HTR1F: variants seen among roughly 807,000 people sequenced by gnomAD.
The protein encoded by HTR1F is 5-hydroxytryptamine (serotonin) receptor 1F, G protein-coupled.
A neutral mutation model predicts 24.0 loss-of-function variants in HTR1F; 17 were observed. The ratio of observed to expected loss-of-function variants is 0.71; its 90% CI spans 0.48 to 1.06. HTR1F has a LOEUF of 1.06. Among genes scored for constraint, HTR1F ranks in the 50% least tolerant of loss-of-function variants. The probability of loss-of-function intolerance (pLI) is 0.00; values close to 1 mark genes in which losing one functional copy is unlikely to be tolerated. For synonymous variants in HTR1F, 186 were observed against 156.8 expected, an observed-to-expected ratio of 1.19 and a Z score of -1.39; for missense variants, 391 against 427.8, an observed-to-expected ratio of 0.91 and a Z score of 0.76.
intron 2 of HTR1F, among the ~76,000 whole-genome samples, chr3:87,982,532 G>A (rs1370405529): frequency 6.6e-6 from 1 of 152,136 alleles, no homozygotes; most frequent in Non-Finnish European, 1.5e-5. Flanking sequence ...TAGGCAGAAA[G>A]CAGGCTAAGA....
At chr3:87,833,389 A>T (rs1303687686) in intron 2 of HTR1F, among the ~76,000 whole-genome samples, 1 of 152,210 alleles carries the variant, frequency 6.6e-6, no homozygotes, top group Non-Finnish European at 1.5e-5. Flanking sequence ...GTTTAAAAAA[A>T]TGCAGATTTC....
intron 2 of HTR1F, among the ~76,000 whole-genome samples, chr3:87,840,957 G>T (rs1053547426): frequency 1.3e-5 from 2 of 151,924 alleles, no homozygotes; most frequent in African/African-American, 4.9e-5. Context: ...AAGGGGAGAT[G>T]TTGGTCAGTG....
chr3:87,929,068 T>TG (rs1192080837), intron 2 of HTR1F, among the ~76,000 whole-genome samples: 1 of 152,238 alleles, frequency 6.6e-6, no homozygotes, highest in Non-Finnish European at 1.5e-5. Flanking sequence ...ATATAAAGTA[T>TG]GACAGATTTA....
intron 2 of HTR1F, among the ~76,000 whole-genome samples, chr3:87,844,310 G>T (rs1704884785): frequency 6.7e-6 from 1 of 148,446 alleles, no homozygotes. Context: ...GTGTTTTTTG[G>T]CTGCATAAAT....
chr3:87,847,464 A>G (rs1161834847), intron 2 of HTR1F, among the ~76,000 whole-genome samples: 2 of 151,904 alleles, frequency 1.3e-5, no homozygotes, highest in Non-Finnish European at 2.9e-5. Context: ...TTACATGCAT[A>G]GAATATGTAA....
intron 2 of HTR1F, among the ~76,000 whole-genome samples, chr3:87,930,127 T>A (rs1704226012): frequency 6.6e-6 from 1 of 152,206 alleles, no homozygotes; most frequent in Admixed American, 6.5e-5. Context: ...TTTTTAGACA[T>A]TGATTTTGTA....
At chr3:87,828,565 C>T (rs1404350992) in intron 2 of HTR1F, among the ~76,000 whole-genome samples, 1 of 152,190 alleles carries the variant, frequency 6.6e-6, no homozygotes, top group Non-Finnish European at 1.5e-5. Flanking sequence ...TTTGACATCT[C>T]ACCCAAGGAA....
intron 2 of HTR1F, among the ~76,000 whole-genome samples, chr3:87,887,025 C>T (rs900546480): frequency 9.9e-5 from 15 of 152,116 alleles, no homozygotes; most frequent in African/African-American, 3.4e-4. Context: ...CAAGACAACC[C>T]TAAGCAAAAA....
intron 2 of HTR1F, among the ~76,000 whole-genome samples, chr3:87,925,786 A>C (rs1301753730): frequency 6.6e-6 from 1 of 152,044 alleles, no homozygotes; most frequent in Non-Finnish European, 1.5e-5. Context: ...GGTAATGGAC[A>C]CTGCTAGAGA....
At chr3:87,967,443 G>C (rs1431149) in intron 2 of HTR1F, among the ~76,000 whole-genome samples, 77,060 of 137,102 alleles carry the variant, frequency 0.56, 22,604 homozygotes, top group East Asian at 0.73. Flanking sequence ...GAGTGAAACT[G>C]TCTCAAAAAA....
At chr3:87,875,526 G>A (rs1389751458) in intron 2 of HTR1F, among the ~76,000 whole-genome samples, 1 of 151,906 alleles carries the variant, frequency 6.6e-6, no homozygotes, top group Non-Finnish European at 1.5e-5. Context: ...CTATGAAATG[G>A]GAGAAAACAC....
rs1436202777 is a variant in HTR1F, at chr3:87,905,855, T to C, written c.-43+83731T>C. On this transcript the variant is annotated intron_variant, in intron 2 of 2. Transcript: ENST00000319595. ...AAGACTAAAATGTGGTGCCTATGAA[T>C]GAGCATTTGGGTGATAAACTGCAAG... Among the ~76,000 whole-genome samples the C allele has an allele frequency of 3.3e-5, 5 of 152,194 alleles. No homozygotes were observed. In the East Asian group the frequency reaches 9.7e-4, roughly 29 times the overall value.
At chr3:87,942,352 G>T (rs1229525287) in intron 2 of HTR1F, among the ~76,000 whole-genome samples, 2 of 152,160 alleles carry the variant, frequency 1.3e-5, no homozygotes, top group Non-Finnish European at 2.9e-5. Flanking sequence ...CGGGACAGGA[G>T]AGTAAGACTG....
At chr3:87,815,383 C>T (rs934827030) in intron 1 of HTR1F, among the ~76,000 whole-genome samples, 4 of 151,852 alleles carry the variant, frequency 2.6e-5, no homozygotes, top group African/African-American at 9.7e-5. Flanking sequence ...GCAAAGTAAG[C>T]TTATGGTAGT....
chr3:87,977,047 A>G (rs73142912), intron 2 of HTR1F, among the ~76,000 whole-genome samples: 2,006 of 152,320 alleles, frequency 0.013, 21 homozygotes, highest in Non-Finnish European at 0.021. Flanking sequence ...AGGAGAATAT[A>G]CCATTCCTCA....
chr3:87,892,779 G>C (rs1196540953), intron 2 of HTR1F, among the ~76,000 whole-genome samples: 1 of 151,664 alleles, frequency 6.6e-6, no homozygotes, highest in African/African-American at 2.4e-5. Flanking sequence ...AATCTATACT[G>C]TAATAAAGGT....
chr3:87,815,502 C>T (rs895587499), intron 1 of HTR1F, among the ~76,000 whole-genome samples: 7 of 151,876 alleles, frequency 4.6e-5, no homozygotes, highest in African/African-American at 1.7e-4. Flanking sequence ...GTATTGACGG[C>T]TTTATTTATG....
At chr3:87,976,765 A>G (rs1705404337) in intron 2 of HTR1F, among the ~76,000 whole-genome samples, 1 of 152,192 alleles carries the variant, frequency 6.6e-6, no homozygotes, top group Admixed American at 6.5e-5. Flanking sequence ...AATATTTTTC[A>G]TATCTTGCAC....
chr3:87,804,404 T>C (rs1559588863), intron 1 of HTR1F, among the ~76,000 whole-genome samples: 1 of 151,854 alleles, frequency 6.6e-6, no homozygotes, highest in Admixed American at 6.6e-5. Context: ...AGCTCATTGC[T>C]CAAAAAGGAA....
Sources: gnomAD v4.1 joint callset for allele counts (sites outside exome capture counted in the v4.1 genomes callset) on GRCh38, gnomAD v4.1.1 for gene constraint, MANE v1.5 for transcripts, NCBI Gene and HGNC (gene_info 2026-07-23, HGNC 2026-07-21) for gene names.